SFMBT1: variants seen among roughly 807,000 people sequenced by gnomAD.
The protein encoded by SFMBT1 is Scm like with four mbt domains 1, also known as scm-like with four MBT domains protein 1.
SFMBT1 carries 32 observed loss-of-function variants against 108.7 expected under a neutral mutation model. The observed-to-expected ratio is 0.29, with a 90% CI of 0.22 to 0.40. The LOEUF is 0.40. Ranked by LOEUF, SFMBT1 falls within the 10% of genes least tolerant of loss-of-function variation. SFMBT1 has a pLI of 1.00. For missense variants in SFMBT1, 816 were observed against 1,059.6 expected, an observed-to-expected ratio of 0.77 and a Z score of 3.19; for synonymous variants, 348 against 369.5, an observed-to-expected ratio of 0.94 and a Z score of 0.67.
chr3:52,946,386 AC>A (rs1477923999), intron 3 of SFMBT1, among the ~76,000 whole-genome samples: 1 of 152,196 alleles, frequency 6.6e-6, no homozygotes, highest in Non-Finnish European at 1.5e-5. Context: ...TATCCTAAAC[AC>A]TATGGTTATA....
In SFMBT1 at chr3:52,981,088, G is replaced by A. The variant is rs147367449; in HGVS notation, c.-130-11830C>T. 2.0e-5 allele frequency among the ~76,000 whole-genome samples: 3 copies of A among 151,992 alleles called. No individual in the cohort carries two copies. The East Asian group carries it at 5.8e-4, about 29-fold the overall frequency. On this transcript the variant is annotated intron_variant, in intron 1 of 20. Coordinates refer to ENST00000394752, the MANE Select transcript of SFMBT1 (RefSeq NM_016329.4). ...GAGGCAAGAGAATCACTTGAACCTGGGAGGCAGAGATTGCAGTGAGCCAAG... is the reference window on the plus strand; with the variant it reads ...GAGGCAAGAGAATCACTTGAACCTGAGAGGCAGAGATTGCAGTGAGCCAAG...
intron 1 of SFMBT1, among the ~76,000 whole-genome samples, chr3:53,014,944 G>A (rs34979715): frequency 0.069 from 10,486 of 152,266 alleles, 440 homozygotes; most frequent in Non-Finnish European, 0.095. Flanking sequence ...ATAGGACCGG[G>A]AGCAGTGGCT....
chr3:52,912,142 G>C (rs1353564654), intron 16 of SFMBT1, among the ~76,000 whole-genome samples: 1 of 151,990 alleles, frequency 6.6e-6, no homozygotes, highest in Non-Finnish European at 1.5e-5. Flanking sequence ...GAAACATAAG[G>C]CTTCTGATAT....
At chr3:53,023,626 C>A (rs1392426251) in intron 1 of SFMBT1, among the ~76,000 whole-genome samples, 1 of 152,228 alleles carries the variant, frequency 6.6e-6, no homozygotes, top group East Asian at 1.9e-4. Context: ...TCCAAACCCC[C>A]CGTCAGCTGT....
intron 2 of SFMBT1, among the ~76,000 whole-genome samples, chr3:52,966,005 C>CAAAAA (rs775989805): frequency 6.7e-4 from 37 of 55,040 alleles, no homozygotes; most frequent in Middle Eastern, 0.016. Context: ...GACTCCGTTT[C>CAAAAA]AAAAAAAAAA....
chr3:52,945,470 A>G (rs1019296395), intron 3 of SFMBT1, among the ~76,000 whole-genome samples: 2 of 152,078 alleles, frequency 1.3e-5, no homozygotes, highest in Non-Finnish European at 2.9e-5. Flanking sequence ...TTGAAAAAAA[A>G]AGATGGAAAT....
At chr3:52,995,673 T>A (rs1698300584) in intron 1 of SFMBT1, among the ~76,000 whole-genome samples, 2 of 150,074 alleles carry the variant, frequency 1.3e-5, no homozygotes, top group African/African-American at 4.8e-5. Context: ...GTGCTGGGAT[T>A]ACAAGTGTGA....
chr3:52,984,773 T>TGTGTGTGTGTGTGTG (rs1704847969), intron 1 of SFMBT1, among the ~76,000 whole-genome samples: 1 of 149,860 alleles, frequency 6.7e-6, no homozygotes, highest in African/African-American at 2.5e-5. Context: ...TGTGTGTCTA[T>TGTGTGTGTGTGTGTG]TCATACTATA....
chr3:52,919,782 G>A (rs1702464753), intron 12 of SFMBT1, among the ~76,000 whole-genome samples: 1 of 152,164 alleles, frequency 6.6e-6, no homozygotes, highest in African/African-American at 2.4e-5. Context: ...CGAACTAAAG[G>A]AAGGCTCCAG....
rs1328122506 is a variant in SFMBT1, at chr3:52,913,981, C to A, written c.1481-364G>T. The stretch of plus-strand genomic sequence containing the variant: ...TTCCAGGTCTTCAAAAACCAACTTT[C>A]AATCATCTATTCTGGAATATTTATA... On this transcript the variant is annotated intron_variant, in intron 14 of 20. Coordinates refer to ENST00000394752, the MANE Select transcript of SFMBT1 (RefSeq NM_016329.4). 2.6e-5 allele frequency among the ~76,000 whole-genome samples: 4 copies of A among 152,278 alleles called. No individual in the cohort carries two copies. In the East Asian group the frequency reaches 7.7e-4, roughly 29 times the overall value.
chr3:53,001,360 GT>G (rs1488971406), intron 1 of SFMBT1, among the ~76,000 whole-genome samples: 1 of 150,344 alleles, frequency 6.7e-6, no homozygotes, highest in Non-Finnish European at 1.5e-5. Flanking sequence ...GAGCTCAGGA[GT>G]TCAAGGCTGC....
chr3:52,965,490 G>A (rs1171933203), intron 2 of SFMBT1, among the ~76,000 whole-genome samples: 2 of 151,840 alleles, frequency 1.3e-5, no homozygotes, highest in Non-Finnish European at 2.9e-5. Flanking sequence ...AAAGCGTTGC[G>A]GGTGGGAGGT....
At chr3:52,984,368 CTTTT>C (rs894909263) in intron 1 of SFMBT1, among the ~76,000 whole-genome samples, 1 of 151,320 alleles carries the variant, frequency 6.6e-6, no homozygotes. Context: ...TCATAAAAAA[CTTTT>C]TTAGACAGCA....
intron 1 of SFMBT1, among the ~76,000 whole-genome samples, chr3:52,980,453 C>T (rs919907719): frequency 6.6e-6 from 1 of 152,036 alleles, no homozygotes; most frequent in Non-Finnish European, 1.5e-5. Context: ...TTTCATGATG[C>T]TTAGTGCAGT....
intron 18 of SFMBT1, 119 bp from the exon 19 acceptor site, chr3:52,907,433 CA>C: frequency 6.6e-7 from 1 of 1,517,604 alleles, no homozygotes; most frequent in South Asian, 1.4e-5. Flanking sequence ...TCTTGGGCCA[CA>C]AAACCATCTT....
chr3:53,028,797 A>G (rs908653047), intron 1 of SFMBT1, among the ~76,000 whole-genome samples: 5 of 152,188 alleles, frequency 3.3e-5, no homozygotes, highest in Admixed American at 2.6e-4. Context: ...GAACCCTTGC[A>G]GGGAAGTGCA....
rs765353610 is a variant in SFMBT1, at chr3:53,004,254, T to TTC, written c.-130-34998_-130-34997dup. Among the ~76,000 whole-genome samples, 334 of 69,742 alleles carry TTC rather than the reference T, an allele frequency of 4.8e-3. 12 individuals carry two copies. The highest frequency in any genetic ancestry group is 7.0e-3 in the Non-Finnish European group (193 of 27,532). The allele number at this position is 69,742 out of a possible 152,430, so 45.8% of individuals were successfully genotyped here. On this transcript the variant is annotated intron_variant, in intron 1 of 20. Transcript: ENST00000394752. Reference sequence around the variant, plus strand: ...CCTTCCTCCTTCCCTTCTTTCTTCTTTCTCTCTCTCTCTCTCTCTCTCCTC... The same window carrying TTC: ...CCTTCCTCCTTCCCTTCTTTCTTCTTTCTCTCTCTCTCTCTCTCTCTCTCCTC...
chr3:52,920,839 T>A (rs1031774195), intron 11 of SFMBT1, among the ~76,000 whole-genome samples, 189 bp from the exon 12 acceptor site: 3 of 152,224 alleles, frequency 2.0e-5, no homozygotes, highest in African/African-American at 7.2e-5. Context: ...GTCTTCCATG[T>A]AAAACTGTAT....
chr3:53,029,061 T>C (rs1247479196), intron 1 of SFMBT1, among the ~76,000 whole-genome samples: 4 of 151,110 alleles, frequency 2.6e-5, no homozygotes, highest in Non-Finnish European at 4.4e-5. Context: ...TAGTCCCAGC[T>C]ACTCGGGAGG....
Sources: allele counts gnomAD v4.1 joint callset (sites outside exome capture counted in the v4.1 genomes callset), GRCh38; gene constraint gnomAD v4.1.1; transcripts MANE v1.5; gene names NCBI Gene and HGNC (gene_info 2026-07-23, HGNC 2026-07-21).